The following KDM4C variants were observed in gnomAD, a reference collection of about 807,000 sequenced individuals.
KDM4C encodes the protein lysine-specific demethylase 4C.
In KDM4C, 81 loss-of-function variants were observed where a neutral mutation model predicts 129.3. The observed-to-expected ratio is 0.63, with a 90% CI of 0.52 to 0.75. The LOEUF (loss-of-function observed/expected upper bound fraction) is 0.75, where lower values mean the gene tolerates loss of function less well. KDM4C is among the 30% of genes least tolerant of loss of function. The pLI is 0.00. For missense variants in KDM4C, 1,457 were observed against 1,304.0 expected, an observed-to-expected ratio of 1.12 and a Z score of -1.81; for synonymous variants, 573 against 456.1, an observed-to-expected ratio of 1.26 and a Z score of -3.26.
chr9:7,009,389 T>A (rs563628620), intron 12 of KDM4C, among the ~76,000 whole-genome samples: 1 of 152,376 alleles, frequency 6.6e-6, no homozygotes, highest in African/African-American at 2.4e-5. Flanking sequence ...TTCAATTAAT[T>A]GCTCAAGTGC....
intron 5 of KDM4C, among the ~76,000 whole-genome samples, chr9:6,872,377 T>A (rs945945716): frequency 6.6e-6 from 1 of 152,204 alleles, no homozygotes; most frequent in Non-Finnish European, 1.5e-5. Context: ...TGTAAATGTC[T>A]ATTAGGTCCA....
chr9:6,834,513 G>A, intron 4 of KDM4C: 2 of 652,490 alleles, frequency 3.1e-6, no homozygotes, highest in South Asian at 3.1e-5. Flanking sequence ...GTGGAAGGCT[G>A]GCTTCGCAGG....
chr9:7,163,028 A>G (rs1207225688), intron 19 of KDM4C, among the ~76,000 whole-genome samples: 1 of 152,060 alleles, frequency 6.6e-6, no homozygotes, highest in Non-Finnish European at 1.5e-5. Context: ...GGAATTAGAC[A>G]GGCTTACCTA....
At chr9:6,773,693 C>T (rs925170094) in intron 1 of KDM4C, among the ~76,000 whole-genome samples, 1 of 151,504 alleles carries the variant, frequency 6.6e-6, no homozygotes, top group Non-Finnish European at 1.5e-5. Flanking sequence ...ATTGCTTGAA[C>T]CCAGGAGACG....
At chr9:7,167,534 C>G (rs1388162363) in intron 20 of KDM4C, among the ~76,000 whole-genome samples, 1 of 152,206 alleles carries the variant, frequency 6.6e-6, no homozygotes, top group South Asian at 2.1e-4. Flanking sequence ...TGTTTCTGCT[C>G]AAACAAGGCC....
chr9:6,900,969 TTC>T (rs1491198208), intron 8 of KDM4C, among the ~76,000 whole-genome samples: 152 of 101,596 alleles, frequency 1.5e-3, no homozygotes, highest in East Asian at 1.3e-3. Context: ...AGCTTTAGGA[TTC>T]TTTTTTTTTT....
intron 8 of KDM4C, among the ~76,000 whole-genome samples, chr9:6,956,813 C>T (rs1563882137): frequency 6.6e-6 from 1 of 152,106 alleles, no homozygotes. Context: ...TTTTTGGTAG[C>T]AGAATCTTTC....
At chr9:6,865,529 T>C (rs927486704) in intron 5 of KDM4C, among the ~76,000 whole-genome samples, 2 of 152,112 alleles carry the variant, frequency 1.3e-5, no homozygotes, top group African/African-American at 4.8e-5. Flanking sequence ...TGACTTTGCG[T>C]TATTGTAGGC....
chr9:6,829,931 GT>G (rs953397448), intron 4 of KDM4C, among the ~76,000 whole-genome samples: 2 of 151,964 alleles, frequency 1.3e-5, no homozygotes, highest in Non-Finnish European at 2.9e-5. Context: ...AAAAGCCTGT[GT>G]TTTTTTTCTG....
chr9:7,159,249 G>A (rs978395747), intron 19 of KDM4C, among the ~76,000 whole-genome samples: 6 of 152,092 alleles, frequency 3.9e-5, no homozygotes, highest in Admixed American at 3.9e-4. Context: ...TGGGTCTTCC[G>A]AATACAGCAC....
Position 7,011,636 on chromosome 9 carries a change from C to G in KDM4C, c.1787-62C>G, listed in dbSNP as rs982748345. 22 of 1,421,404 alleles carry G rather than the reference C, an allele frequency of 1.5e-5. No individual in the cohort carries two copies. In the African/African-American group the frequency reaches 2.5e-4, roughly 16 times the overall value. The allele number at this position is 1,421,404 out of a possible 1,614,324, so 88.0% of individuals were successfully genotyped here. ...CTGTGGAATGTTTATTTCTTTTGTA[C>G]TCAGGGTGATTGTTTTCCCTGGTTC... is the stretch of plus-strand genomic sequence containing the variant. On this transcript the variant is annotated intron_variant, in intron 12 of 21. Coordinates refer to ENST00000381309, the MANE Select transcript of KDM4C (RefSeq NM_015061.6).
Position 7,175,019 on chromosome 9 carries a change from A to C in KDM4C, c.*290A>C. The C allele has an allele frequency of 3.9e-6, 1 of 257,054 alleles. No homozygotes were observed. Among genetic ancestry groups the C allele is most frequent in the Non-Finnish European group, 7.6e-6 (1 of 131,300 alleles). 15.9% of individuals were successfully genotyped at this position (257,054 alleles called of 1,614,324 possible). A position where few individuals can be genotyped will look rare whatever the true frequency, so the allele number is the denominator to read the frequency against. On this transcript the variant is annotated 3_prime_UTR_variant, in exon 22 of 22. Coordinates refer to ENST00000381309, the MANE Select transcript of KDM4C (RefSeq NM_015061.6). ...AAGGAAATACTAGTGAATCACCCAC[A>C]AGGAAAAGCCACTGCCACAGAGGAG...
At chr9:7,054,732 A>T (rs753610484) in intron 17 of KDM4C, among the ~76,000 whole-genome samples, 1 of 152,234 alleles carries the variant, frequency 6.6e-6, no homozygotes, top group African/African-American at 2.4e-5. Context: ...CACTTCCTGC[A>T]GCTTAAATTA....
At chr9:6,818,789 C>G (rs1230458999) in intron 4 of KDM4C, among the ~76,000 whole-genome samples, 2 of 152,020 alleles carry the variant, frequency 1.3e-5, no homozygotes, top group Non-Finnish European at 2.9e-5. Context: ...AGTTGGGAGG[C>G]TAGTAAAAGG....
rs34391703 is a variant in KDM4C, at chr9:6,761,002, C to CTT, written c.-18+2815_-18+2816dup. Among the ~76,000 whole-genome samples the CTT allele has an allele frequency of 2.3e-3, 296 of 129,244 alleles. 7 individuals carry two copies. The highest frequency in any genetic ancestry group is 6.3e-3 in the African/African-American group (213 of 33,814). The allele number at this position is 129,244 out of a possible 152,430, so 84.8% of individuals were successfully genotyped here. A position where few individuals can be genotyped will look rare whatever the true frequency, so the allele number is the denominator to read the frequency against. ...TGCTGTGTTTTCCTTTCCTGGATGT[C>CTT]TTTTTTTTTTTTTTTTTGAGACGGA... On this transcript the variant is annotated intron_variant, in intron 1 of 21. Coordinates refer to ENST00000381309, the MANE Select transcript of KDM4C (RefSeq NM_015061.6).
chr9:6,944,217 C>G (rs562528884), intron 8 of KDM4C, among the ~76,000 whole-genome samples: 29 of 152,130 alleles, frequency 1.9e-4, no homozygotes, highest in Non-Finnish European at 4.1e-4. Context: ...GATTGAACAT[C>G]CTTGCATTTG....
chr9:6,742,033 A>C (rs923035407), intron 1 of KDM4C, among the ~76,000 whole-genome samples: 2 of 151,406 alleles, frequency 1.3e-5, no homozygotes, highest in African/African-American at 2.4e-5. Context: ...AGTGCAGTGG[A>C]GTGATCTCGG....
At chr9:7,072,038 A>G (rs2381545) in intron 17 of KDM4C, among the ~76,000 whole-genome samples, 118,356 of 152,150 alleles carry the variant, frequency 0.78, 46,298 homozygotes, top group African/African-American at 0.83. Flanking sequence ...TAGACAGCAC[A>G]TAAGTACATG....
At chr9:7,085,768 T>C (rs74513280) in intron 17 of KDM4C, among the ~76,000 whole-genome samples, 8,762 of 152,220 alleles carry the variant, frequency 0.058, 795 homozygotes, top group African/African-American at 0.2. Context: ...ACTGGGCCTA[T>C]GCGTTAACCC....
Sources: gnomAD v4.1 joint callset for allele counts (sites outside exome capture counted in the v4.1 genomes callset) on GRCh38, gnomAD v4.1.1 for gene constraint, MANE v1.5 for transcripts, NCBI Gene and HGNC (gene_info 2026-07-23, HGNC 2026-07-21) for gene names.